Variants in SPACA7 observed in about 807,000 individuals in gnomAD.
The protein encoded by SPACA7 is sperm acrosome-associated protein 7.
Under a neutral mutation model 26.3 loss-of-function variants are expected in SPACA7, and 19 were observed. That is an observed-to-expected ratio of 0.72 (90% confidence interval 0.50 to 1.06). The LOEUF (loss-of-function observed/expected upper bound fraction) is 1.06. Among genes scored for constraint, SPACA7 ranks in the 50% least tolerant of loss-of-function variants. The pLI is 0.00. For synonymous variants in SPACA7, 84 were observed against 84.5 expected (o/e 0.99, Z 0.04); for missense variants, 211 against 229.9 (o/e 0.92, Z 0.53).
chr13:112,411,008 C>G (rs1437350376), intron 5 of SPACA7, among the ~76,000 whole-genome samples: 1 of 152,022 alleles, frequency 6.6e-6, no homozygotes, highest in African/African-American at 2.4e-5. Flanking sequence ...CTTACTTTCT[C>G]AGGAAAACTG....
At chr13:112,424,140 T>C (rs954680517) in intron 5 of SPACA7, among the ~76,000 whole-genome samples, 4 of 152,136 alleles carry the variant, frequency 2.6e-5, no homozygotes, top group Non-Finnish European at 5.9e-5. Context: ...CCCCCCTGGG[T>C]GAAGCGGAGC....
intron 1 of SPACA7, among the ~76,000 whole-genome samples, chr13:112,383,045 A>AGAGAGAGAGAGAAAGG (rs781245231): frequency 7.4e-6 from 1 of 134,948 alleles, no homozygotes; most frequent in Non-Finnish European, 1.6e-5. Context: ...AGAGAGAAAG[A>AGAGAGAGAGAGAAAGG]CAGAAGGAAA....
intron 5 of SPACA7, among the ~76,000 whole-genome samples, chr13:112,408,178 C>A (rs1164371222): frequency 6.6e-6 from 1 of 152,130 alleles, no homozygotes; most frequent in Non-Finnish European, 1.5e-5. Context: ...GCCTTTCATG[C>A]TAAAAACTCT....
chr13:112,420,463 T>C (rs1875837427), intron 5 of SPACA7, among the ~76,000 whole-genome samples: 1 of 152,044 alleles, frequency 6.6e-6, no homozygotes, highest in East Asian at 1.9e-4. Context: ...CAGTAGACAG[T>C]GCACAGCTAG....
intron 5 of SPACA7, among the ~76,000 whole-genome samples, chr13:112,405,825 G>A (rs1183941017): frequency 1.3e-5 from 2 of 152,064 alleles, no homozygotes; most frequent in East Asian, 1.9e-4. Context: ...TTATGAGTGT[G>A]ATTCCTGTGT....
intron 5 of SPACA7, among the ~76,000 whole-genome samples, chr13:112,403,282 T>C (rs1885762647): frequency 6.6e-6 from 1 of 152,180 alleles, no homozygotes; most frequent in Non-Finnish European, 1.5e-5. Context: ...TTAAATCATC[T>C]CCTGATTTTA....
chr13:112,386,613 C>CAA (rs529373844), intron 1 of SPACA7, among the ~76,000 whole-genome samples: 2 of 145,692 alleles, frequency 1.4e-5, no homozygotes, highest in African/African-American at 5.1e-5. Context: ...GGTGACGAGA[C>CAA]AAAAAAAAAT....
At chr13:112,434,240 T>C (rs1877507218) in intron 6 of SPACA7, among the ~76,000 whole-genome samples, 1 of 152,156 alleles carries the variant, frequency 6.6e-6, no homozygotes, top group Non-Finnish European at 1.5e-5. Context: ...CGATGGGTTT[T>C]GAGGGAGAAC....
chr13:112,382,630 T>G (rs1884154271), intron 1 of SPACA7: 5 of 1,261,458 alleles, frequency 4.0e-6, no homozygotes, highest in Non-Finnish European at 1.1e-6. Flanking sequence ...AGTATTTAAG[T>G]AAACAGCATA....
intron 5 of SPACA7, among the ~76,000 whole-genome samples, chr13:112,414,612 T>G (rs915273547): frequency 6.6e-6 from 1 of 152,086 alleles, no homozygotes; most frequent in Non-Finnish European, 1.5e-5. Context: ...GGTTTCACCA[T>G]GTTGGCCAGG....
chr13:112,400,491 A>G lies in SPACA7; in HGVS notation c.350-578A>G, dbSNP rs140615208. 5.8e-4 allele frequency among the ~76,000 whole-genome samples: 89 copies of G among 152,276 alleles called. 1 individual carries two copies. Among genetic ancestry groups the G allele is most frequent in the Non-Finnish European group, 1.1e-3 (74 of 68,016 alleles). ...TATTCGGTTGCTTATTACTGTCTAC[A>G]TGGGCTACTAGGGATTACTATAGTC... On this transcript the variant is annotated intron_variant, in intron 4 of 6. Transcript: ENST00000283550.
chr13:112,434,236 G>A (rs72670926), intron 6 of SPACA7, among the ~76,000 whole-genome samples: 6,100 of 152,266 alleles, frequency 0.04, 169 homozygotes, highest in Non-Finnish European at 0.055. Flanking sequence ...TTGTCGATGG[G>A]TTTTGAGGGA....
At chr13:112,382,364 C>G in intron 1 of SPACA7, 2 of 1,487,316 alleles carry the variant, frequency 1.3e-6, no homozygotes, top group Non-Finnish European at 1.8e-6. Flanking sequence ...TCCCAAAGTG[C>G]TGGGACTACA....
chr13:112,399,853 AC>A, intron 4 of SPACA7, among the ~76,000 whole-genome samples: 1 of 152,204 alleles, frequency 6.6e-6, no homozygotes, highest in Admixed American at 6.5e-5. Flanking sequence ...CAGGAAACTT[AC>A]AATCATGGCA....
At chr13:112,426,028 T>C (rs1236312439) in intron 5 of SPACA7, among the ~76,000 whole-genome samples, 3 of 152,236 alleles carry the variant, frequency 2.0e-5, no homozygotes, top group Non-Finnish European at 4.4e-5. Context: ...CCATACAAAG[T>C]ACTTAAATGG....
intron 5 of SPACA7, among the ~76,000 whole-genome samples, chr13:112,417,694 G>A (rs545203359): frequency 6.2e-4 from 95 of 152,030 alleles, no homozygotes; most frequent in African/African-American, 2.2e-3. Flanking sequence ...ATCTACCCAG[G>A]ACCCATATTT....
chr13:112,407,533 G>A (rs562104196), intron 5 of SPACA7, among the ~76,000 whole-genome samples: 3 of 152,000 alleles, frequency 2.0e-5, no homozygotes, highest in Non-Finnish European at 4.4e-5. Flanking sequence ...TGGTAAAGGG[G>A]ATATCACCAC....
rs1052429699 is a variant in SPACA7, at chr13:112,401,292, G to A, written c.445+128G>A. 3 of 654,504 alleles carry A rather than the reference G, an allele frequency of 4.6e-6. No individual in the cohort carries two copies. The African/African-American group carries it at 5.4e-5, about 12-fold the overall frequency. The allele number at this position is 654,504 out of a possible 1,614,324, so 40.5% of individuals were successfully genotyped here. A position where few individuals can be genotyped will look rare whatever the true frequency, so the allele number is the denominator to read the frequency against. On this transcript the variant is annotated intron_variant, in intron 5 of 6. Coordinates refer to ENST00000283550, the MANE Select transcript of SPACA7 (RefSeq NM_145248.5). ...CCATTAGGTTTCCACCAACATCATG[G>A]TGAGAAGTGGTATTTCAGTACTGCT...
intron 5 of SPACA7, among the ~76,000 whole-genome samples, chr13:112,406,563 T>C (rs1335645277): frequency 6.6e-6 from 1 of 151,126 alleles, no homozygotes; most frequent in East Asian, 1.9e-4. Context: ...TGAATAGAGA[T>C]TTTTTTCCAA....
Sources: gnomAD v4.1 joint callset for allele counts (sites outside exome capture counted in the v4.1 genomes callset) on GRCh38, gnomAD v4.1.1 for gene constraint, MANE v1.5 for transcripts, NCBI Gene and HGNC (gene_info 2026-07-23, HGNC 2026-07-21) for gene names.